STAP1: variants seen among roughly 807,000 people sequenced by gnomAD.
STAP1 encodes the protein signal transducing adaptor family member 1.
Under a neutral mutation model 37.8 loss-of-function variants are expected in STAP1, and 30 were observed. That is an observed-to-expected ratio of 0.79 (90% CI 0.59 to 1.08). STAP1 has a LOEUF of 1.08. Among genes scored for constraint, STAP1 ranks in the 50% least tolerant of loss-of-function variants. STAP1 has a pLI of 0.00. For synonymous variants in STAP1, 130 were observed against 116.0 expected, an observed-to-expected ratio of 1.12 and a Z score of -0.78; for missense variants, 357 against 349.4, an observed-to-expected ratio of 1.02 and a Z score of -0.17.
At chr4:67,570,035 G>A (rs1169835089) in intron 1 of STAP1, among the ~76,000 whole-genome samples, 4 of 152,054 alleles carry the variant, frequency 2.6e-5, no homozygotes, top group Non-Finnish European at 2.9e-5. Context: ...CAGCCCCAGT[G>A]GATGGCCTTT....
intron 1 of STAP1, among the ~76,000 whole-genome samples, chr4:67,562,151 C>A (rs1273766690): frequency 6.9e-6 from 1 of 144,716 alleles, no homozygotes; most frequent in Non-Finnish European, 1.5e-5. Flanking sequence ...GTTTGGGCAA[C>A]GTCTCATAAT....
chr4:67,582,302 T>A (rs187375179), intron 5 of STAP1, among the ~76,000 whole-genome samples: 1 of 104,562 alleles, frequency 9.6e-6, no homozygotes, highest in African/African-American at 3.1e-5. Context: ...AACATTTTAG[T>A]TTTTTTTTTG....
At chr4:67,570,449 C>A (rs772173121) in intron 1 of STAP1, among the ~76,000 whole-genome samples, 37 of 152,058 alleles carry the variant, frequency 2.4e-4, no homozygotes, top group Non-Finnish European at 5.1e-4. Context: ...ACCAAAAGAT[C>A]TTTTTGTGGC....
At chr4:67,589,190 G>A (rs1282248932) in intron 6 of STAP1, among the ~76,000 whole-genome samples, 3 of 152,204 alleles carry the variant, frequency 2.0e-5, no homozygotes, top group African/African-American at 7.2e-5. Context: ...ATCTTATTAT[G>A]ATGTGATAAA....
rs186038034 is a variant in STAP1, at chr4:67,571,620, T to C, written c.192+465T>C. Among the ~76,000 whole-genome samples, 380 of 152,334 alleles carry C rather than the reference T, an allele frequency of 2.5e-3. 2 individuals are homozygous for C. The highest frequency in any genetic ancestry group is 8.7e-3 in the African/African-American group (360 of 41,584). ...TCACAAAGCAGGACTTCTAAAGGCT[T>C]AAACATGAGAATAACAATAAAGGGA... On this transcript the variant is annotated intron_variant, in intron 2 of 8. Transcript: ENST00000265404.
intron 1 of STAP1, among the ~76,000 whole-genome samples, chr4:67,570,766 A>C (rs577505009): frequency 2.6e-5 from 4 of 151,872 alleles, no homozygotes; most frequent in African/African-American, 9.6e-5. Context: ...GGGAGGGAGG[A>C]AGGAAATAAA....
At chr4:67,586,983 C>A (rs1727999302) in intron 6 of STAP1, among the ~76,000 whole-genome samples, 12 of 152,156 alleles carry the variant, frequency 7.9e-5, no homozygotes, top group Admixed American at 7.9e-4. Flanking sequence ...AACTGTATTG[C>A]ACAAATTTTC....
At chr4:67,606,075 T>C (rs1201461432) in intron 8 of STAP1, among the ~76,000 whole-genome samples, 1 of 151,966 alleles carries the variant, frequency 6.6e-6, no homozygotes, top group Non-Finnish European at 1.5e-5. Context: ...CCTATTAAGC[T>C]AAAGAGGAAG....
chr4:67,571,245 G>T, intron 2 of STAP1, 90 bp downstream of exon 2: 1 of 832,228 alleles, frequency 1.2e-6, no homozygotes, highest in Non-Finnish European at 1.9e-6. Flanking sequence ...TGCCATCCAA[G>T]AATAAAGATG....
At chr4:67,593,673 G>A (rs1728167910) in intron 8 of STAP1, among the ~76,000 whole-genome samples, 1 of 152,198 alleles carries the variant, frequency 6.6e-6, no homozygotes, top group Non-Finnish European at 1.5e-5. Context: ...AATCATACAA[G>A]TTAATGGAAA....
intron 8 of STAP1, 41 bp from the exon 9 acceptor site, chr4:67,606,255 T>C (rs1046193753): frequency 6.5e-7 from 1 of 1,548,160 alleles, no homozygotes; most frequent in Admixed American, 1.8e-5. Flanking sequence ...TTTTCTACAA[T>C]ATTGGTTCGC....
Position 67,571,092 on chromosome 4 carries a change from G to A in STAP1, c.129G>A (p.Glu43=). ...LIKRSGYREY[E]HYWTELRGTT... is the part of the protein sequence containing the mutation. ...TGGTTTCTTTCCCACAGGAGTATGA[G>A]CATTACTGGACAGAGTTGAGAGGAA... The change falls in exon 2 of 9, where the codon GAG becomes GAA. Residue 43 remains glutamate (E), a synonymous_variant. Coordinates refer to ENST00000265404, the MANE Select transcript of STAP1 (RefSeq NM_012108.4). 6.2e-7 allele frequency: 1 copy of A among 1,610,828 alleles called. No homozygotes were observed.
chr4:67,561,783 G>C (rs1266050787), intron 1 of STAP1, among the ~76,000 whole-genome samples: 1 of 152,144 alleles, frequency 6.6e-6, no homozygotes, highest in Non-Finnish European at 1.5e-5. Context: ...ATAAGAGAGA[G>C]TGTGGGTGGG....
chr4:67,560,538 A>C (rs980082802), intron 1 of STAP1, among the ~76,000 whole-genome samples: 2 of 152,206 alleles, frequency 1.3e-5, no homozygotes, highest in African/African-American at 4.8e-5. Flanking sequence ...CTTCTCTTAG[A>C]AAGCATTCTT....
intron 5 of STAP1, among the ~76,000 whole-genome samples, chr4:67,583,106 A>G (rs896093913): frequency 6.6e-6 from 1 of 152,250 alleles, no homozygotes; most frequent in Non-Finnish European, 1.5e-5. Flanking sequence ...ACAATGCCAT[A>G]GAAAGACATA....
intron 8 of STAP1, among the ~76,000 whole-genome samples, chr4:67,600,689 T>C (rs1728319229): frequency 6.6e-6 from 1 of 152,156 alleles, no homozygotes; most frequent in Non-Finnish European, 1.5e-5. Flanking sequence ...ATATATATTA[T>C]ATATATTTGC....
chr4:67,564,071 A>C (rs1426064804), intron 1 of STAP1, among the ~76,000 whole-genome samples: 2 of 152,268 alleles, frequency 1.3e-5, no homozygotes, highest in South Asian at 2.1e-4. Context: ...GATATTTATA[A>C]ATGACTCAGA....
chr4:67,599,995 A>C (rs1311885755), intron 8 of STAP1, among the ~76,000 whole-genome samples: 1 of 152,038 alleles, frequency 6.6e-6, no homozygotes, highest in Non-Finnish European at 1.5e-5. Context: ...TTTTAAATTT[A>C]AATTTCATTT....
At chr4:67,561,638 C>T (rs892875857) in intron 1 of STAP1, among the ~76,000 whole-genome samples, 3 of 152,074 alleles carry the variant, frequency 2.0e-5, no homozygotes, top group African/African-American at 7.2e-5. Context: ...TTATTTAAGC[C>T]ACAGCACTAG....
Sources: allele counts gnomAD v4.1 joint callset (sites outside exome capture counted in the v4.1 genomes callset), GRCh38; gene constraint gnomAD v4.1.1; transcripts MANE v1.5; gene names NCBI Gene and HGNC (gene_info 2026-07-23, HGNC 2026-07-21).